ABTB3: variants seen among roughly 807,000 people sequenced by gnomAD.
ABTB3 encodes the protein ankyrin repeat- and BTB/POZ domain-containing protein 3.
the ABTB3 span, among the ~76,000 whole-genome samples, chr12:107,408,725 CG>C: frequency 1.3e-5 from 2 of 152,218 alleles, no homozygotes; most frequent in East Asian, 3.8e-4. Flanking sequence ...TTCCCTGCCT[CG>C]GGGAAAGAGC....
the ABTB3 span, among the ~76,000 whole-genome samples, chr12:107,369,392 GTT>G: frequency 0.24 from 32,322 of 134,656 alleles, 3,732 homozygotes; most frequent in South Asian, 0.39. Flanking sequence ...TCAAACAAGG[GTT>G]TTTTTTTTTT....
At chr12:107,589,708 A>G in the ABTB3 span, among the ~76,000 whole-genome samples, 3 of 152,234 alleles carry the variant, frequency 2.0e-5, no homozygotes, top group Non-Finnish European at 4.4e-5. Flanking sequence ...TATAGAAGAA[A>G]GGTTCACAGC....
At chr12:107,319,818 G>A in the ABTB3 span, 3 of 1,288,130 alleles carry the variant, frequency 2.3e-6, no homozygotes, top group African/African-American at 3.1e-5. Context: ...GCGCCCGGGG[G>A]AGGAGCGGCG....
chr12:107,546,640 G>A, the ABTB3 span, among the ~76,000 whole-genome samples: 156 of 152,282 alleles, frequency 1.0e-3, no homozygotes, highest in African/African-American at 3.6e-3. Flanking sequence ...GAGGCAGGTG[G>A]ATCACCTGAG....
At chr12:107,353,134 G>T in the ABTB3 span, among the ~76,000 whole-genome samples, 540 of 152,132 alleles carry the variant, frequency 3.5e-3, 15 homozygotes, top group East Asian at 9.7e-4. Context: ...CTGGCATTCA[G>T]GTCATGGTAG....
chr12:107,599,814 C>CA, the ABTB3 span, among the ~76,000 whole-genome samples: 351 of 146,374 alleles, frequency 2.4e-3, 1 homozygote, highest in Middle Eastern at 0.011. Context: ...TAATAAAAGC[C>CA]AAAAAAAAAA....
the ABTB3 span, among the ~76,000 whole-genome samples, chr12:107,635,850 A>ACCCCCCCCCCCCCCCCCCC: frequency 5.3e-5 from 3 of 56,614 alleles, no homozygotes; most frequent in Admixed American, 2.4e-4. Flanking sequence ...GGGAGGAACA[A>ACCCCCCCCCCCCCCCCCCC]CCCCCCCCCC....
chr12:107,369,395 T>TTG, the ABTB3 span, among the ~76,000 whole-genome samples: 18 of 87,126 alleles, frequency 2.1e-4, no homozygotes, highest in South Asian at 5.9e-4. Flanking sequence ...AACAAGGGTT[T>TTG]TTTTTTTTTT....
the ABTB3 span, among the ~76,000 whole-genome samples, chr12:107,326,346 A>T: frequency 6.6e-6 from 1 of 152,220 alleles, no homozygotes; most frequent in Non-Finnish European, 1.5e-5. Context: ...AAGCTTGATT[A>T]ATGGAGAGTT....
chr12:107,514,502 C>T, the ABTB3 span, among the ~76,000 whole-genome samples: 1 of 152,076 alleles, frequency 6.6e-6, no homozygotes, highest in Non-Finnish European at 1.5e-5. Context: ...ACCTCAGTTC[C>T]CTCTGTATCT....
the ABTB3 span, among the ~76,000 whole-genome samples, chr12:107,571,582 T>G: frequency 3.3e-5 from 5 of 152,382 alleles, no homozygotes; most frequent in East Asian, 9.6e-4. Flanking sequence ...GTACAGCCTC[T>G]GCTGCTTCCT....
the ABTB3 span, among the ~76,000 whole-genome samples, chr12:107,349,710 T>C: frequency 6.6e-6 from 1 of 152,228 alleles, no homozygotes; most frequent in African/African-American, 2.4e-5. Flanking sequence ...TGAGGAATTT[T>C]ATTTTAGTAT....
the ABTB3 span, among the ~76,000 whole-genome samples, chr12:107,323,911 G>A: frequency 6.6e-6 from 1 of 152,124 alleles, no homozygotes; most frequent in Non-Finnish European, 1.5e-5. Context: ...TTTAAAATTT[G>A]CCTATCACCT....
At chr12:107,638,682 T>C in the ABTB3 span, among the ~76,000 whole-genome samples, 5 of 152,342 alleles carry the variant, frequency 3.3e-5, no homozygotes, top group African/African-American at 9.6e-5. Context: ...GTCAAGTTTA[T>C]TGAGGGATAC....
the ABTB3 span, among the ~76,000 whole-genome samples, chr12:107,512,191 C>T: frequency 6.6e-6 from 1 of 152,204 alleles, no homozygotes; most frequent in South Asian, 2.1e-4. Flanking sequence ...AGAACCAGAG[C>T]TAATGAGTTA....
At chr12:107,543,297 C>T in the ABTB3 span, among the ~76,000 whole-genome samples, 32 of 143,260 alleles carry the variant, frequency 2.2e-4, no homozygotes, top group Non-Finnish European at 4.5e-5. Context: ...GGAGATCATG[C>T]CACTGCACTC....
At chr12:107,355,549 TC>T in the ABTB3 span, among the ~76,000 whole-genome samples, 1 of 152,092 alleles carries the variant, frequency 6.6e-6, no homozygotes, top group Non-Finnish European at 1.5e-5. Flanking sequence ...GCCACCCTCA[TC>T]CCCCACCCTG....
the ABTB3 span, among the ~76,000 whole-genome samples, chr12:107,379,627 A>G: frequency 2.6e-5 from 4 of 152,056 alleles, no homozygotes; most frequent in Admixed American, 2.6e-4. Context: ...GGACCAATAC[A>G]CCAGCCACAA....
chr12:107,465,936 T>C, the ABTB3 span, among the ~76,000 whole-genome samples: 84 of 152,294 alleles, frequency 5.5e-4, no homozygotes, highest in African/African-American at 1.9e-3. Flanking sequence ...TGCATTCATT[T>C]TGTAATCACT....
Sources: gnomAD v4.1 joint callset for allele counts (sites outside exome capture counted in the v4.1 genomes callset) on GRCh38, gnomAD v4.1.1 for gene constraint, MANE v1.5 for transcripts, NCBI Gene and HGNC (gene_info 2026-07-23, HGNC 2026-07-21) for gene names.